Variants in ATP2B2 observed in about 807,000 individuals in gnomAD.
ATP2B2 encodes ATPase plasma membrane Ca2+ transporting 2, also known as plasma membrane calcium-transporting ATPase 2.
A neutral mutation model predicts 120.0 loss-of-function variants in ATP2B2; 15 were observed. That is an observed-to-expected ratio of 0.12 (90% CI 0.08 to 0.19). The LOEUF is 0.19. ATP2B2 is among the 10% of genes least tolerant of loss of function. The pLI, the probability that ATP2B2 is intolerant of heterozygous loss-of-function variation, is 1.00. For missense variants in ATP2B2, 1,045 were observed against 1,719.8 expected (o/e 0.61, Z 6.94); for synonymous variants, 694 against 700.3 (o/e 0.99, Z 0.14).
chr3:10,593,799 T>G (rs569824310), intron 2 of ATP2B2, among the ~76,000 whole-genome samples: 7 of 152,054 alleles, frequency 4.6e-5, no homozygotes, highest in Admixed American at 2.0e-4. Context: ...GGGAGAAAAT[T>G]TTTGCAATCT....
At chr3:10,452,717 G>A (rs185477884) in intron 1 of ATP2B2, among the ~76,000 whole-genome samples, 10 of 152,272 alleles carry the variant, frequency 6.6e-5, no homozygotes, top group Non-Finnish European at 7.4e-5. Flanking sequence ...CTGGAGGGGT[G>A]AGCGCTGGGG....
At position 10,325,627 on chromosome 3, in the gene ATP2B2, G is replaced by A. The variant is rs1444183678; in HGVS notation, c.*3187C>T. 2 of 152,200 alleles carry A rather than the reference G, an allele frequency of 1.3e-5. No individual in the cohort carries two copies. Among genetic ancestry groups the A allele is most frequent in the East Asian group, 1.9e-4 (1 of 5,196 alleles). The allele number at this position is 152,200 out of a possible 1,614,324, so 9.4% of individuals were successfully genotyped here. ...ATCTCTATGCTATGGTTGGGACAAG[G>A]GGACAAGGGGCCATGGTGAGGGGTT... On this transcript the variant is annotated 3_prime_UTR_variant, in exon 23 of 23. Transcript: ENST00000360273.
intron 2 of ATP2B2, among the ~76,000 whole-genome samples, chr3:10,535,528 G>A (rs1457386978): frequency 6.6e-6 from 1 of 152,096 alleles, no homozygotes; most frequent in East Asian, 1.9e-4. Flanking sequence ...TTATAGTCAT[G>A]CCCCTCATCC....
intron 2 of ATP2B2, among the ~76,000 whole-genome samples, chr3:10,544,529 T>A (rs1331107316): frequency 6.6e-6 from 1 of 152,240 alleles, no homozygotes; most frequent in East Asian, 1.9e-4. Flanking sequence ...GATGAGCTCT[T>A]TTTAATAACA....
chr3:10,607,253 C>A lies in ATP2B2; in HGVS notation c.-415+12664G>T, dbSNP rs193264415. ...TTGAATAAGCCCAGGCAGTGGAAAGCCCAGAACAGAGCCTGAAACAGTGGA... is the reference window on the plus strand; with the variant it reads ...TTGAATAAGCCCAGGCAGTGGAAAGACCAGAACAGAGCCTGAAACAGTGGA... On this transcript the variant is annotated intron_variant, in intron 2 of 21. Coordinates refer to the ATP2B2 transcript ENST00000646379. Among the ~76,000 whole-genome samples, 6 of 152,238 alleles carry A rather than the reference C, an allele frequency of 3.9e-5. No homozygotes were observed. The East Asian group carries it at 1.2e-3, about 29-fold the overall frequency.
chr3:10,462,937 C>A (rs368145545), intron 1 of ATP2B2, among the ~76,000 whole-genome samples: 21 of 152,210 alleles, frequency 1.4e-4, no homozygotes, highest in African/African-American at 3.9e-4. Context: ...TTGGGTCCCA[C>A]TGAGGGACCT....
chr3:10,581,173 G>T (rs1474574700), intron 2 of ATP2B2, among the ~76,000 whole-genome samples: 1 of 152,226 alleles, frequency 6.6e-6, no homozygotes, highest in Admixed American at 6.5e-5. Context: ...AATCCACCAT[G>T]CCATGTCCCC....
chr3:10,656,512 C>T (rs2070631767), intron 1 of ATP2B2, among the ~76,000 whole-genome samples: 1 of 152,218 alleles, frequency 6.6e-6, no homozygotes, highest in South Asian at 2.1e-4. Flanking sequence ...AGGCCTTTCA[C>T]CACCTCACCC....
chr3:10,516,542 T>C (rs914328144), intron 3 of ATP2B2, among the ~76,000 whole-genome samples: 3 of 152,204 alleles, frequency 2.0e-5, no homozygotes, highest in East Asian at 3.9e-4. Context: ...TCTCATCCCA[T>C]TGTCCCCATA....
At chr3:10,400,822 G>C (rs1244093129) in intron 5 of ATP2B2, 131 bp downstream of exon 5, 3 of 1,405,866 alleles carry the variant, frequency 2.1e-6, no homozygotes, top group African/African-American at 1.4e-5. Flanking sequence ...TTCTCACTTG[G>C]GGCTGAGCTG....
At chr3:10,606,910 CACAGAGAG>C (rs2069087336) in intron 2 of ATP2B2, among the ~76,000 whole-genome samples, 1 of 46,044 alleles carries the variant, frequency 2.2e-5, no homozygotes, top group African/African-American at 8.7e-5. Flanking sequence ...CACACACACA[CACAGAGAG>C]AGAGAGAGAG....
chr3:10,329,142 G>A lies in ATP2B2; in HGVS notation c.3421-17C>T. ...GACGCGGATCTGCAAGGGAAGCACAGGGGTCAGGAGCACTGCCCAGGGACC... is the reference window on the plus strand; with the variant it reads ...GACGCGGATCTGCAAGGGAAGCACAAGGGTCAGGAGCACTGCCCAGGGACC... On this transcript the variant is annotated splice_polypyrimidine_tract_variant and intron_variant, in intron 22 of 22. Transcript: ENST00000360273. This position sits in a 1 kb window ranked among gnomAD's most constrained non-coding sequence, Gnocchi z 5.9. 2 of 1,611,166 alleles carry A rather than the reference G, an allele frequency of 1.2e-6. No individual in the cohort carries two copies. Among genetic ancestry groups the A allele is most frequent in the Non-Finnish European group, 1.7e-6 (2 of 1,179,856 alleles).
intron 2 of ATP2B2, among the ~76,000 whole-genome samples, chr3:10,438,123 C>T (rs1309901243): frequency 6.6e-6 from 1 of 152,150 alleles, no homozygotes; most frequent in Non-Finnish European, 1.5e-5. Flanking sequence ...GTGTGCTGGG[C>T]AAGTCCCTTC....
chr3:10,468,833 T>C (rs1455635641), intron 1 of ATP2B2, among the ~76,000 whole-genome samples: 1 of 152,260 alleles, frequency 6.6e-6, no homozygotes, highest in Non-Finnish European at 1.5e-5. Context: ...CAGCCTGACG[T>C]ACTCATGGGC....
chr3:10,569,696 G>A lies in ATP2B2; in HGVS notation c.-414-35563C>T, dbSNP rs151273040. On this transcript the variant is annotated intron_variant, in intron 2 of 21. Coordinates refer to the ATP2B2 transcript ENST00000646379. Reference sequence around the variant, plus strand: ...CTTTTTGGAGTGTGTGAGCTTGAAGGGGCTCAGGTGTAACACTCTGGGGTG... The same window carrying A: ...CTTTTTGGAGTGTGTGAGCTTGAAGAGGCTCAGGTGTAACACTCTGGGGTG... Among the ~76,000 whole-genome samples, 626 of 152,158 alleles carry A rather than the reference G, an allele frequency of 4.1e-3. 2 individuals are homozygous for A. Among genetic ancestry groups the A allele is most frequent in the Non-Finnish European group, 7.0e-3 (474 of 67,970 alleles).
At chr3:10,445,496 T>G (rs1028580803) in intron 2 of ATP2B2, among the ~76,000 whole-genome samples, 3 of 152,190 alleles carry the variant, frequency 2.0e-5, no homozygotes, top group Non-Finnish European at 4.4e-5. Flanking sequence ...GAGGCTGCCC[T>G]TGGCCTCACA....
At chr3:10,600,025 C>T (rs1182971400) in intron 2 of ATP2B2, among the ~76,000 whole-genome samples, 5 of 151,928 alleles carry the variant, frequency 3.3e-5, no homozygotes, top group South Asian at 2.1e-4. Context: ...TCATCTGTAC[C>T]GCCTTGCTGA....
intron 3 of ATP2B2, among the ~76,000 whole-genome samples, chr3:10,528,329 T>C (rs923919498): frequency 1.3e-5 from 2 of 152,086 alleles, no homozygotes; most frequent in African/African-American, 2.4e-5. Context: ...CAGGAGAGCC[T>C]GGGCCAAACA....
chr3:10,365,026 T>A (rs1472812490), intron 12 of ATP2B2, among the ~76,000 whole-genome samples: 1 of 152,224 alleles, frequency 6.6e-6, no homozygotes, highest in African/African-American at 2.4e-5. Flanking sequence ...GGCTCACAGC[T>A]GCCTACAAGG....
Sources: gnomAD v4.1 joint callset for allele counts (sites outside exome capture counted in the v4.1 genomes callset) on GRCh38, gnomAD v4.1.1 for gene constraint, Gnocchi (gnomAD v3.1) non-coding constraint, MANE v1.5 for transcripts, NCBI Gene and HGNC (gene_info 2026-07-23, HGNC 2026-07-21) for gene names.